The following BSN variants were observed in gnomAD, a reference collection of about 807,000 sequenced individuals.
BSN encodes bassoon presynaptic cytomatrix protein.
BSN carries 57 observed loss-of-function variants against 264.8 expected under a neutral mutation model. The observed-to-expected ratio is 0.22, with a 90% confidence interval of 0.17 to 0.27. The LOEUF (loss-of-function observed/expected upper bound fraction) is 0.27, where lower values mean the gene tolerates loss of function less well. Among genes scored for constraint, BSN ranks in the 10% least tolerant of loss-of-function variants. The pLI, the probability that BSN is intolerant of heterozygous loss-of-function variation, is 1.00. For missense variants in BSN, 4,615 were observed against 5,232.5 expected (o/e 0.88, Z 3.64); for synonymous variants, 2,059 against 2,137.3 (o/e 0.96, Z 1.01).
chr3:49,617,283 T>TTATATATATATATATATATA (rs6147817), intron 1 of BSN, among the ~76,000 whole-genome samples: 7 of 122,082 alleles, frequency 5.7e-5, no homozygotes, highest in Non-Finnish European at 1.1e-4. Context: ...ATAAAATACA[T>TTATATATATATATATATATA]TATATATATA....
At chr3:49,617,127 T>C (rs1468573095) in intron 1 of BSN, among the ~76,000 whole-genome samples, 1 of 152,102 alleles carries the variant, frequency 6.6e-6, no homozygotes, top group East Asian at 1.9e-4. Context: ...CTTAAAAATA[T>C]ATTTGTCCCA....
chr3:49,621,532 G>A (rs115121226), intron 1 of BSN, among the ~76,000 whole-genome samples: 2 of 152,238 alleles, frequency 1.3e-5, no homozygotes, highest in Non-Finnish European at 1.5e-5. Flanking sequence ...GATCACCCAG[G>A]ATCAAGTGCT....
At chr3:49,628,115 G>A (rs2052356432) in intron 2 of BSN, among the ~76,000 whole-genome samples, 1 of 152,222 alleles carries the variant, frequency 6.6e-6, no homozygotes, top group Non-Finnish European at 1.5e-5. Flanking sequence ...AGGCTTTCAG[G>A]GCATCTCCAA....
intron 2 of BSN, among the ~76,000 whole-genome samples, chr3:49,631,651 A>C (rs1331733075): frequency 6.6e-6 from 1 of 151,994 alleles, no homozygotes; most frequent in African/African-American, 2.4e-5. Context: ...AGTTGGAAAA[A>C]GAGGAGGCCT....
intron 1 of BSN, among the ~76,000 whole-genome samples, chr3:49,619,122 T>C (rs577059344): frequency 6.6e-6 from 1 of 152,160 alleles, no homozygotes; most frequent in South Asian, 2.1e-4. Context: ...AATAAATATC[T>C]ATTGTTGGAG....
intron 2 of BSN, among the ~76,000 whole-genome samples, chr3:49,628,556 C>T (rs1184890768): frequency 6.6e-6 from 1 of 152,194 alleles, no homozygotes; most frequent in East Asian, 1.9e-4. Context: ...AGGTCTACTA[C>T]ACTTACACAG....
intron 1 of BSN, among the ~76,000 whole-genome samples, chr3:49,619,854 G>T (rs1372964392): frequency 6.6e-6 from 1 of 152,158 alleles, no homozygotes; most frequent in Non-Finnish European, 1.5e-5. Context: ...TTACTGCTCT[G>T]AGTCATTTAG....
rs2052580598 is a variant in BSN, at chr3:49,654,741, G to C, written c.5185G>C (p.Ala1729Pro). The change falls in exon 5 of 12, where the codon GCC becomes CCC. Residue 1729 changes from alanine to proline, a missense_variant. Ala to Pro is a conservative substitution (Grantham distance 27). This residue lies in a region of BSN where 3,415 missense variants were observed against 3,866.4 expected (regional missense o/e 0.88). Coordinates refer to ENST00000296452, the MANE Select transcript of BSN (RefSeq NM_003458.4). This position sits in a 1 kb window ranked among gnomAD's most constrained non-coding sequence, Gnocchi z 4.1. The part of the protein sequence containing the change: ...NAQEHTFLAT[A>P]TTVSITMASS... ...CCAGGAGCATACCTTCCTTGCTACT[G>C]CCACCACCGTGAGCATCACCATGGC... is the stretch of plus-strand genomic sequence containing the variant. 7 of 1,613,650 alleles carry C rather than the reference G, an allele frequency of 4.3e-6. No individual in the cohort carries two copies. Among genetic ancestry groups the C allele is most frequent in the Non-Finnish European group, 5.1e-6 (6 of 1,180,024 alleles).
chr3:49,664,319 C>G, intron 8 of BSN, 104 bp from the exon 9 acceptor site: 3 of 1,485,026 alleles, frequency 2.0e-6, no homozygotes, highest in South Asian at 2.4e-5. Context: ...ACCTTCCCAC[C>G]TTATAGGGTA....
At chr3:49,563,036 A>G (rs1481381830) in intron 1 of BSN, among the ~76,000 whole-genome samples, 1 of 152,172 alleles carries the variant, frequency 6.6e-6, no homozygotes, top group Admixed American at 6.5e-5. Flanking sequence ...GATGCTTCCC[A>G]TTTTTCTTCA....
At chr3:49,658,615 GCT>G (rs1207109806) in intron 5 of BSN, among the ~76,000 whole-genome samples, 1 of 152,192 alleles carries the variant, frequency 6.6e-6, no homozygotes, top group East Asian at 1.9e-4. Flanking sequence ...TGGCGCGGCT[GCT>G]CTCGTCCTCT....
rs200593275 is a variant in BSN at position 49,662,176 on chromosome 3, G to T, written c.10331G>T (p.Arg3444Leu). ...ATTTATGGCGGGAGCAGCCGGTCCC[G>T]GGCACCTTCTGCATACAGTGGGGAG... ...DRIYGGSSRS[R>L]APSAYSGEKL... Residue 3444 changes from arginine (R) to leucine (L), a missense_variant, in exon 6 of 12, where the codon CGG (arginine) becomes CTG (leucine). By Grantham distance (102) the Arg-to-Leu change is moderately radical. Transcript: ENST00000296452. 1.2e-6 allele frequency: 2 copies of T among 1,612,666 alleles called. No individual in the cohort carries two copies. The highest frequency in any genetic ancestry group is 1.3e-5 in the African/African-American group (1 of 74,930).
At position 49,658,113 on chromosome 3, in the gene BSN, C is replaced by T. The variant is rs1159611547; in HGVS notation, c.8557C>T (p.Pro2853Ser). 6.2e-7 allele frequency: 1 copy of T among 1,612,476 alleles called. No individual in the cohort carries two copies. Among genetic ancestry groups the T allele is most frequent in the South Asian group, 1.1e-5 (1 of 91,020 alleles). The change falls in exon 5 of 12, where the codon CCT becomes TCT. Residue 2853 changes from proline to serine, a missense_variant. Physicochemically the swap from Pro to Ser is moderately conservative, Grantham distance 74. Around this residue, in one of 3 missense-constraint regions of BSN, gnomAD observed 3,415 missense variants for 3,866.4 expected, o/e 0.88. Coordinates refer to ENST00000296452, the MANE Select transcript of BSN (RefSeq NM_003458.4). The part of the protein sequence containing the change: ...MKTLQRSLSD[P>S]KPLSPTAEES... Reference sequence around the variant, plus strand: ...GACCCTGCAGCGGTCCCTGTCTGACCCTAAGCCCCTCAGCCCCACCGCCGA... The same window carrying T: ...GACCCTGCAGCGGTCCCTGTCTGACTCTAAGCCCCTCAGCCCCACCGCCGA...
In BSN at chr3:49,654,476, C is replaced by G; in HGVS notation, c.4920C>G (p.Ile1640Met). The G allele has an allele frequency of 6.2e-7, 1 of 1,609,596 alleles. No individual in the cohort carries two copies. Among genetic ancestry groups the G allele is most frequent in the Non-Finnish European group, 8.5e-7 (1 of 1,178,000 alleles). The change falls in exon 5 of 12, where the codon ATC becomes ATG. Residue 1640 changes from isoleucine to methionine, a missense_variant. Ile to Met is a conservative substitution (Grantham distance 10, BLOSUM62 1). Transcript: ENST00000296452. This position sits in a 1 kb window ranked among gnomAD's most constrained non-coding sequence, Gnocchi z 4.1. ...YGWGALPAENISLCRISSVPG... is the reference protein window; with the variant it reads ...YGWGALPAENMSLCRISSVPG... ...GGGGTGCCCTCCCTGCTGAGAACAT[C>G]TCCCTGTGCCGGATCTCCTCTGTCC...
intron 1 of BSN, among the ~76,000 whole-genome samples, chr3:49,610,856 C>T (rs2052201170): frequency 6.6e-6 from 1 of 152,174 alleles, no homozygotes; most frequent in Admixed American, 6.5e-5. Flanking sequence ...AGATGTTCAG[C>T]AAATTCATGC....
chr3:49,613,401 G>T (rs148838204), intron 1 of BSN, among the ~76,000 whole-genome samples: 1 of 144,436 alleles, frequency 6.9e-6, no homozygotes, highest in African/African-American at 2.5e-5. Context: ...AAAACAGAGG[G>T]GCTAGCTATA....
chr3:49,581,612 T>C (rs1174017864), intron 1 of BSN, among the ~76,000 whole-genome samples: 1 of 151,780 alleles, frequency 6.6e-6, no homozygotes, highest in East Asian at 1.9e-4. Context: ...GATCACAAAG[T>C]CAGGAGATCG....
At chr3:49,594,257 A>G (rs906140489) in intron 1 of BSN, among the ~76,000 whole-genome samples, 36 of 152,314 alleles carry the variant, frequency 2.4e-4, no homozygotes, top group African/African-American at 7.9e-4. Context: ...TGCTTTTAGT[A>G]TCAAGTCTAA....
Position 49,651,103 on chromosome 3 carries a change from G to C in BSN, c.1986+24G>C. On this transcript the variant is annotated intron_variant, in intron 4 of 11. Transcript: ENST00000296452. This position sits in a 1 kb window ranked among gnomAD's most constrained non-coding sequence, Gnocchi z 5.4. ...AGGTCAGTCCCATTCACTTCCCAGAGACCCTAGCTTTCAGACAGGACAGTC... is the reference window on the plus strand; with the variant it reads ...AGGTCAGTCCCATTCACTTCCCAGACACCCTAGCTTTCAGACAGGACAGTC... 6.3e-7 allele frequency: 1 copy of C among 1,588,020 alleles called. No homozygotes were observed. Among genetic ancestry groups the C allele is most frequent in the Non-Finnish European group, 8.5e-7 (1 of 1,172,240 alleles).
Sources: allele counts gnomAD v4.1 joint callset (sites outside exome capture counted in the v4.1 genomes callset), GRCh38; gene constraint gnomAD v4.1.1; regional missense constraint gnomAD v4.1.1; non-coding constraint Gnocchi (gnomAD v3.1); transcripts MANE v1.5; gene names NCBI Gene and HGNC (gene_info 2026-07-23, HGNC 2026-07-21).